Variants in CACNB2 observed in about 807,000 individuals in gnomAD.
CACNB2 encodes the protein voltage-dependent L-type calcium channel subunit beta-2.
A neutral mutation model predicts 73.3 loss-of-function variants in CACNB2; 42 were observed. That is an observed-to-expected ratio of 0.57 (90% confidence interval 0.45 to 0.74). The LOEUF (loss-of-function observed/expected upper bound fraction) is 0.74. Ranked by LOEUF, CACNB2 falls within the 30% of genes least tolerant of loss-of-function variation. The pLI is 0.00. For missense variants in CACNB2, 940 were observed against 853.0 expected (o/e 1.10, Z -1.27); for synonymous variants, 348 against 310.3 (o/e 1.12, Z -1.28).
chr10:18,190,740 G>T (rs1158031943), intron 2 of CACNB2, among the ~76,000 whole-genome samples: 1 of 152,170 alleles, frequency 6.6e-6, no homozygotes, highest in Admixed American at 6.5e-5. Flanking sequence ...TTGAGAAGGT[G>T]GTAGCAGTAG....
chr10:18,203,995 C>T (rs985176338), intron 2 of CACNB2, among the ~76,000 whole-genome samples: 1 of 152,034 alleles, frequency 6.6e-6, no homozygotes, highest in African/African-American at 2.4e-5. Flanking sequence ...AAAACAGGCT[C>T]ATTCAAACAA....
At chr10:18,469,895 T>A (rs2132740829) in intron 3 of CACNB2, among the ~76,000 whole-genome samples, 1 of 152,290 alleles carries the variant, frequency 6.6e-6, no homozygotes, top group East Asian at 1.9e-4. Flanking sequence ...TTATGTACAA[T>A]GTTATCCACC....
intron 2 of CACNB2, among the ~76,000 whole-genome samples, chr10:18,370,695 T>A (rs1359055882): frequency 6.6e-6 from 1 of 152,242 alleles, no homozygotes; most frequent in African/African-American, 2.4e-5. Flanking sequence ...GTAGAGCTCA[T>A]GCTTACTTAA....
intron 2 of CACNB2, among the ~76,000 whole-genome samples, chr10:18,266,543 A>G (rs2037810164): frequency 6.6e-6 from 1 of 151,792 alleles, no homozygotes; most frequent in African/African-American, 2.4e-5. Flanking sequence ...GTGGTTGTTC[A>G]CTCACAATTC....
chr10:18,532,973 A>G, intron 10 of CACNB2: 1 of 147,934 alleles, frequency 6.8e-6, no homozygotes, highest in South Asian at 2.1e-4. Context: ...ATATCTAGGT[A>G]AAAAAAAAAG....
intron 2 of CACNB2, among the ~76,000 whole-genome samples, chr10:18,352,241 T>C (rs1387311600): frequency 6.6e-6 from 1 of 152,256 alleles, no homozygotes; most frequent in Admixed American, 6.5e-5. Flanking sequence ...TTGAGTGGAC[T>C]TCCACGCATC....
At chr10:18,332,420 G>T (rs778297318) in intron 2 of CACNB2, among the ~76,000 whole-genome samples, 1 of 152,194 alleles carries the variant, frequency 6.6e-6, no homozygotes, top group Non-Finnish European at 1.5e-5. Flanking sequence ...GACACAGAAA[G>T]ATCAAGAAGT....
intron 2 of CACNB2, among the ~76,000 whole-genome samples, chr10:18,176,426 A>C (rs2033594309): frequency 6.6e-6 from 1 of 152,140 alleles, no homozygotes; most frequent in African/African-American, 2.4e-5. Flanking sequence ...TTAGTGTAGG[A>C]ACATATTGTT....
intron 6 of CACNB2, among the ~76,000 whole-genome samples, chr10:18,511,880 A>G (rs1054441469): frequency 2.0e-5 from 3 of 152,108 alleles, no homozygotes. Flanking sequence ...AGGGTTATAG[A>G]CTCACTTACG....
At chr10:18,436,687 A>C (rs541680246) in intron 3 of CACNB2, among the ~76,000 whole-genome samples, 1 of 152,368 alleles carries the variant, frequency 6.6e-6, no homozygotes, top group South Asian at 2.1e-4. Context: ...ACAAAATGTT[A>C]CTGGGTTCCC....
chr10:18,277,306 G>A (rs974488002), intron 2 of CACNB2, among the ~76,000 whole-genome samples: 1 of 152,246 alleles, frequency 6.6e-6, no homozygotes, highest in Non-Finnish European at 1.5e-5. Context: ...AAGACAGAAT[G>A]TTGTGTTCAT....
intron 2 of CACNB2, among the ~76,000 whole-genome samples, chr10:18,320,412 T>G (rs1176875512): frequency 6.6e-6 from 1 of 152,176 alleles, no homozygotes; most frequent in East Asian, 1.9e-4. Context: ...GTGAAATGAG[T>G]GAACATATAT....
At chr10:18,333,893 C>G (rs537617439) in intron 2 of CACNB2, among the ~76,000 whole-genome samples, 1 of 151,868 alleles carries the variant, frequency 6.6e-6, no homozygotes, top group South Asian at 2.1e-4. Flanking sequence ...CTCCTGGCAA[C>G]GTAACATATT....
At chr10:18,532,771 A>G (rs970286849) in intron 10 of CACNB2, among the ~76,000 whole-genome samples, 1 of 152,118 alleles carries the variant, frequency 6.6e-6, no homozygotes, top group African/African-American at 2.4e-5. Context: ...AACCTTTAAA[A>G]GCAAGGAGTT....
At chr10:18,164,340 A>C (rs2032690717) in intron 2 of CACNB2, among the ~76,000 whole-genome samples, 1 of 152,118 alleles carries the variant, frequency 6.6e-6, no homozygotes, top group Non-Finnish European at 1.5e-5. Context: ...ATAAGTTGAA[A>C]ATCAGCCATT....
At chr10:18,213,064 A>G (rs541957239) in intron 2 of CACNB2, among the ~76,000 whole-genome samples, 3 of 152,340 alleles carry the variant, frequency 2.0e-5, no homozygotes, top group South Asian at 2.1e-4. Flanking sequence ...GCCTCATGCA[A>G]CCAGCATGCC....
intron 2 of CACNB2, among the ~76,000 whole-genome samples, chr10:18,313,567 A>G (rs1017982010): frequency 7.9e-5 from 12 of 151,972 alleles, no homozygotes; most frequent in African/African-American, 2.7e-4. Context: ...TTTGACCTAA[A>G]AGTGGCATGG....
At chr10:18,373,476 T>A (rs542083362) in intron 2 of CACNB2, among the ~76,000 whole-genome samples, 1 of 152,204 alleles carries the variant, frequency 6.6e-6, no homozygotes, top group Non-Finnish European at 1.5e-5. Flanking sequence ...TTCCAAACAA[T>A]GTTTTTATAT....
chr10:18,362,842 A>C (rs1177373979), intron 2 of CACNB2, among the ~76,000 whole-genome samples: 1 of 152,160 alleles, frequency 6.6e-6, no homozygotes, highest in African/African-American at 2.4e-5. Context: ...CGGCAGGTGG[A>C]GGTTGCAGTG....
Sources: gnomAD v4.1 joint callset for allele counts (sites outside exome capture counted in the v4.1 genomes callset) on GRCh38, gnomAD v4.1.1 for gene constraint, MANE v1.5 for transcripts, NCBI Gene and HGNC (gene_info 2026-07-23, HGNC 2026-07-21) for gene names.